Variants in MSL2 observed in about 807,000 individuals in gnomAD.
MSL2 encodes the protein E3 ubiquitin-protein ligase MSL2.
A neutral mutation model predicts 35.8 loss-of-function variants in MSL2; 2 were observed. The observed-to-expected ratio is 0.06, with a 90% confidence interval of 0.02 to 0.18. The LOEUF is 0.18. MSL2 is among the 10% of genes least tolerant of loss of function. The probability of loss-of-function intolerance (pLI) is 1.00; values close to 1 mark genes in which losing one functional copy is unlikely to be tolerated. For synonymous variants in MSL2, 296 were observed against 255.7 expected (o/e 1.16, Z -1.50); for missense variants, 523 against 706.7 (o/e 0.74, Z 2.95).
intron 1 of MSL2, among the ~76,000 whole-genome samples, chr3:136,189,702 C>T (rs1216217213): frequency 7.1e-6 from 1 of 140,366 alleles, no homozygotes; most frequent in Non-Finnish European, 1.5e-5. Context: ...CCAGCCTGGG[C>T]GACAGCGAGA....
chr3:136,173,271 G>A (rs1380605758), intron 1 of MSL2, among the ~76,000 whole-genome samples: 1 of 152,164 alleles, frequency 6.6e-6, no homozygotes. Flanking sequence ...TTCTGAATCT[G>A]TATCTCCAAC....
intron 1 of MSL2, among the ~76,000 whole-genome samples, chr3:136,194,157 C>G (rs1321012748): frequency 2.6e-5 from 4 of 152,152 alleles, no homozygotes; most frequent in Non-Finnish European, 5.9e-5. Context: ...TTTGTATTAA[C>G]GTTTCAGTCC....
chr3:136,189,959 T>C (rs900078712), intron 1 of MSL2, among the ~76,000 whole-genome samples: 1 of 151,710 alleles, frequency 6.6e-6, no homozygotes, highest in Non-Finnish European at 1.5e-5. Flanking sequence ...TGCACTTTCG[T>C]AGTTCCTGCT....
chr3:136,170,217 G>A (rs1028997288), intron 1 of MSL2, among the ~76,000 whole-genome samples: 6 of 150,914 alleles, frequency 4.0e-5, no homozygotes, highest in Non-Finnish European at 7.4e-5. Flanking sequence ...GCTGGGCGTG[G>A]TGGTGCATGC....
intron 1 of MSL2, among the ~76,000 whole-genome samples, chr3:136,178,075 A>G (rs967344376): frequency 2.4e-4 from 37 of 152,224 alleles, no homozygotes; most frequent in Non-Finnish European, 2.9e-4. Flanking sequence ...TGGATGATGT[A>G]TATGTATAAC....
chr3:136,165,047 G>C (rs780973274), intron 1 of MSL2, among the ~76,000 whole-genome samples: 64 of 152,030 alleles, frequency 4.2e-4, no homozygotes, highest in Non-Finnish European at 7.5e-4. Context: ...CTAATTTTTT[G>C]TATTTTTAGT....
At chr3:136,181,918 CAAAA>C (rs150271117) in intron 1 of MSL2, among the ~76,000 whole-genome samples, 15 of 107,028 alleles carry the variant, frequency 1.4e-4, no homozygotes, top group African/African-American at 3.4e-4. Context: ...GACTCTGTCT[CAAAA>C]AATAAATAAA....
chr3:136,184,042 T>C (rs760272906), intron 1 of MSL2, among the ~76,000 whole-genome samples: 15 of 152,132 alleles, frequency 9.9e-5, no homozygotes, highest in Non-Finnish European at 1.8e-4. Flanking sequence ...ATGCCTGTAA[T>C]CGCAGCACTT....
At chr3:136,178,330 T>G (rs1184703603) in intron 1 of MSL2, among the ~76,000 whole-genome samples, 1 of 152,196 alleles carries the variant, frequency 6.6e-6, no homozygotes, top group African/African-American at 2.4e-5. Flanking sequence ...TAGGCAAAAT[T>G]AAGTTGATTC....
chr3:136,185,898 AC>A (rs148046582), intron 1 of MSL2, among the ~76,000 whole-genome samples: 3,818 of 152,260 alleles, frequency 0.025, 164 homozygotes, highest in African/African-American at 0.088. Context: ...AGAAGACAAA[AC>A]TAAAATCAAT....
Position 136,150,992 on chromosome 3 carries a change from T to C in MSL2, c.*155A>G. 1.3e-6 allele frequency: 1 copy of C among 797,370 alleles called. No individual in the cohort carries two copies. 49.4% of individuals were successfully genotyped at this position (797,370 alleles called of 1,614,324 possible). On this transcript the variant is annotated 3_prime_UTR_variant, in exon 2 of 2. Coordinates refer to ENST00000309993, the MANE Select transcript of MSL2 (RefSeq NM_018133.4). ...TTACTCCTCCATTATCTGCAAACTA[T>C]TTCCCCGACACTAACACATATAACT...
chr3:136,155,000 G>C (rs1226015137), intron 1 of MSL2, among the ~76,000 whole-genome samples: 1 of 151,918 alleles, frequency 6.6e-6, no homozygotes, highest in African/African-American at 2.4e-5. Context: ...ACGAGGTCAA[G>C]AGACTGAGAC....
intron 1 of MSL2, among the ~76,000 whole-genome samples, chr3:136,164,248 T>G (rs1421533637): frequency 6.6e-6 from 1 of 152,196 alleles, no homozygotes; most frequent in East Asian, 1.9e-4. Flanking sequence ...GCTAATATGT[T>G]AATCAAAACC....
chr3:136,165,558 A>G (rs184927297), intron 1 of MSL2, among the ~76,000 whole-genome samples: 1 of 152,314 alleles, frequency 6.6e-6, no homozygotes, highest in East Asian at 1.9e-4. Context: ...AAGATATTTA[A>G]TATCAGATTT....
chr3:136,151,957 G>T lies in MSL2; in HGVS notation c.924C>A (p.Ser308=). ...TAAAAACATTATGGCTAAGAGACTG[G>T]GAAGAAAGCTGCAGAAAAGGTCCAT... is the stretch of plus-strand genomic sequence containing the variant. The part of the protein sequence containing the change: ...VSNGPFLQLS[S]QSLSHNVFMS... Residue 308 remains serine, a synonymous_variant, in exon 2 of 2, where the codon TCC becomes TCA. Coordinates refer to ENST00000309993, the MANE Select transcript of MSL2 (RefSeq NM_018133.4). This position sits in a 1 kb window ranked among gnomAD's most constrained non-coding sequence, Gnocchi z 5.2. The T allele has an allele frequency of 6.2e-7, 1 of 1,614,210 alleles. No homozygotes were observed. The highest frequency in any genetic ancestry group is 8.5e-7 in the Non-Finnish European group (1 of 1,180,036).
At chr3:136,155,713 T>C in intron 1 of MSL2, 1 of 499,474 alleles carries the variant, frequency 2.0e-6, no homozygotes, top group Non-Finnish European at 4.1e-6. Flanking sequence ...TATGCTGGGG[T>C]CCTTTTGTGC....
At position 136,196,045 on chromosome 3, in the gene MSL2, C is replaced by G. The variant is rs941839107; in HGVS notation, c.-932G>C. ...ACGGCCGCCGCCGCCCTCAGCACTC[C>G]CCGGCCGCGGAAGGCAAGCGCTCAC... On this transcript the variant is annotated 5_prime_UTR_variant, in exon 1 of 2. Transcript: ENST00000309993. 3.7e-5 allele frequency: 6 copies of G among 160,964 alleles called. No individual in the cohort carries two copies. Among genetic ancestry groups the G allele is most frequent in the African/African-American group, 1.2e-4 (5 of 41,526 alleles). 10.0% of individuals were successfully genotyped at this position (160,964 alleles called of 1,614,324 possible). A position where few individuals can be genotyped will look rare whatever the true frequency, so the allele number is the denominator to read the frequency against.
intron 1 of MSL2, among the ~76,000 whole-genome samples, chr3:136,188,383 G>A (rs1418199198): frequency 1.3e-5 from 2 of 150,732 alleles, no homozygotes; most frequent in Admixed American, 6.6e-5. Flanking sequence ...GCAGTGAGCC[G>A]AGATCGCACC....
chr3:136,151,285 A>C lies in MSL2; in HGVS notation c.1596T>G (p.Thr532=). The C allele has an allele frequency of 6.2e-7, 1 of 1,614,224 alleles. No homozygotes were observed. The highest frequency in any genetic ancestry group is 1.1e-5 in the South Asian group (1 of 91,086). ...TACTAGCGTTACGCACAGCAATGCT[A>C]GTCACGTTAATGCCCAAAGTGAGCC... ...QTRLTLGINV[T]SIAVRNASTS... Residue 532 remains threonine (T), a synonymous_variant, in exon 2 of 2, where the codon ACT becomes ACG. Transcript: ENST00000309993. The surrounding 1 kb of genome is among the most constrained non-coding windows in gnomAD (Gnocchi z 5.2).
Sources: gnomAD v4.1 joint callset for allele counts (sites outside exome capture counted in the v4.1 genomes callset) on GRCh38, gnomAD v4.1.1 for gene constraint, Gnocchi (gnomAD v3.1) non-coding constraint, MANE v1.5 for transcripts, NCBI Gene and HGNC (gene_info 2026-07-23, HGNC 2026-07-21) for gene names.